Variants in PLEKHH2 observed in about 807,000 individuals in gnomAD.
PLEKHH2 encodes pleckstrin homology, MyTH4 and FERM domain containing H2.
Under a neutral mutation model 187.9 loss-of-function variants are expected in PLEKHH2, and 129 were observed. That is an observed-to-expected ratio of 0.69 (90% CI 0.59 to 0.79). The LOEUF (loss-of-function observed/expected upper bound fraction) is 0.79, where lower values mean the gene tolerates loss of function less well. Ranked by LOEUF, PLEKHH2 falls within the 30% of genes least tolerant of loss-of-function variation. PLEKHH2 has a pLI of 0.00. For synonymous variants in PLEKHH2, 686 were observed against 605.6 expected (o/e 1.13, Z -1.95); for missense variants, 2,076 against 1,751.2 (o/e 1.19, Z -3.31).
At position 43,738,380 on chromosome 2, in the gene PLEKHH2, G is replaced by T. The variant is rs1671399473; in HGVS notation, c.2983G>T (p.Ala995Ser). 1.2e-6 allele frequency: 2 copies of T among 1,612,496 alleles called. No homozygotes were observed. Among genetic ancestry groups the T allele is most frequent in the African/African-American group, 2.7e-5 (2 of 74,848 alleles). Residue 995 changes from alanine (A) to serine (S), a missense_variant, in exon 20 of 30, where the codon GCA becomes TCA. Physicochemically the swap from Ala to Ser is moderately conservative, Grantham distance 99. Coordinates refer to ENST00000282406, the MANE Select transcript of PLEKHH2 (RefSeq NM_172069.4). ...TATAAATGCTGCAGTTGACTCTCCT[G>T]CAATTGATTACCACATATCTTTAGC... The part of the protein sequence containing the change: ...LFINAAVDSP[A>S]IDYHISLAQS...
intron 7 of PLEKHH2, among the ~76,000 whole-genome samples, chr2:43,698,321 C>G (rs958872127): frequency 1.3e-5 from 2 of 151,046 alleles, no homozygotes; most frequent in Non-Finnish European, 2.9e-5. Flanking sequence ...GATCACAGCT[C>G]ACTGCGGCCT....
At chr2:43,701,319 A>C (rs1248016175) in intron 8 of PLEKHH2, among the ~76,000 whole-genome samples, 3 of 152,202 alleles carry the variant, frequency 2.0e-5, no homozygotes, top group Admixed American at 2.0e-4. Context: ...GGAAGTTGCC[A>C]GGCTCTGCAT....
intron 3 of PLEKHH2, among the ~76,000 whole-genome samples, chr2:43,691,114 T>A (rs1436192858): frequency 6.6e-6 from 1 of 152,258 alleles, no homozygotes; most frequent in African/African-American, 2.4e-5. Flanking sequence ...TCAGTCTCTT[T>A]TACCCTGTTC....
chr2:43,713,781 A>G (rs1670082921), intron 15 of PLEKHH2, among the ~76,000 whole-genome samples: 1 of 151,872 alleles, frequency 6.6e-6, no homozygotes, highest in Admixed American at 6.6e-5. Flanking sequence ...ATCACTCCTC[A>G]TTCATGTACT....
At chr2:43,644,355 C>G (rs1352911200) in intron 1 of PLEKHH2, among the ~76,000 whole-genome samples, 1 of 152,132 alleles carries the variant, frequency 6.6e-6, no homozygotes, top group Non-Finnish European at 1.5e-5. Flanking sequence ...TCCCTCACTA[C>G]ATACCCACAA....
chr2:43,717,148 T>TAATTACA (rs1670252861), intron 15 of PLEKHH2, among the ~76,000 whole-genome samples: 1 of 152,206 alleles, frequency 6.6e-6, no homozygotes, highest in South Asian at 2.1e-4. Flanking sequence ...CCAAGCATGG[T>TAATTACA]GGCTCATGCC....
chr2:43,758,757 T>G, intron 26 of PLEKHH2, 143 bp from the exon 27 acceptor site: 1 of 586,188 alleles, frequency 1.7e-6, no homozygotes, highest in East Asian at 3.0e-5. Context: ...GTGATGAGAG[T>G]CACAAAATCT....
At chr2:43,721,232 T>A (rs569932602) in intron 16 of PLEKHH2, among the ~76,000 whole-genome samples, 1 of 152,332 alleles carries the variant, frequency 6.6e-6, no homozygotes, top group African/African-American at 2.4e-5. Context: ...AGAATCTGAA[T>A]TATTTTAAAT....
chr2:43,669,843 A>C (rs1031898644), intron 2 of PLEKHH2, among the ~76,000 whole-genome samples: 1 of 152,170 alleles, frequency 6.6e-6, no homozygotes, highest in Non-Finnish European at 1.5e-5. Flanking sequence ...GAAACTTTTA[A>C]ACATCAAAAT....
intron 8 of PLEKHH2, among the ~76,000 whole-genome samples, chr2:43,701,947 T>G (rs1305903131): frequency 6.6e-6 from 1 of 152,134 alleles, no homozygotes; most frequent in Non-Finnish European, 1.5e-5. Context: ...TTTTGTATTT[T>G]TAGTAGAGGT....
chr2:43,642,425 T>G (rs1205690235), intron 1 of PLEKHH2, among the ~76,000 whole-genome samples: 3 of 152,168 alleles, frequency 2.0e-5, no homozygotes, highest in African/African-American at 7.2e-5. Flanking sequence ...GAGATAGTTT[T>G]ATTTCTTCCT....
rs1220566829 is a variant in PLEKHH2, at chr2:43,707,544, A to T, written c.1965A>T (p.Arg655=). Residue 655 remains arginine (R), a splice_region_variant and synonymous_variant, in exon 11 of 30, where the codon CGA becomes CGT. Coordinates refer to ENST00000282406, the MANE Select transcript of PLEKHH2 (RefSeq NM_172069.4). ...SGPGSPRAMK[R]GVSLSSVASE... ...CAGGCAGCCCCAGAGCCATGAAACG[A>T]GGTGAGGGAAAATCGCAGGCATATG... 6.2e-7 allele frequency: 1 copy of T among 1,613,656 alleles called. No individual in the cohort carries two copies. The highest frequency in any genetic ancestry group is 1.3e-5 in the African/African-American group (1 of 74,912).
chr2:43,700,607 G>C lies in PLEKHH2; in HGVS notation c.1649G>C (p.Trp550Ser), dbSNP rs1558518075. Residue 550 changes from tryptophan (W) to serine (S), a missense_variant and splice_region_variant, in exon 8 of 30, where the codon TGG becomes TCG. Coordinates refer to ENST00000282406, the MANE Select transcript of PLEKHH2 (RefSeq NM_172069.4). ...CCTCCCCTGCACCGTTTTCCTTCTT[G>C]GGTAATTATATCACCGCATGTAACA... ...PTPPLHRFPSWESRIYAVAKS... is the reference protein window; with the variant it reads ...PTPPLHRFPSSESRIYAVAKS... The C allele has an allele frequency of 6.2e-7, 1 of 1,602,850 alleles. No homozygotes were observed. Among genetic ancestry groups the C allele is most frequent in the Non-Finnish European group, 8.5e-7 (1 of 1,177,228 alleles).
intron 15 of PLEKHH2, among the ~76,000 whole-genome samples, chr2:43,717,721 C>A (rs530156792): frequency 6.6e-6 from 1 of 152,302 alleles, no homozygotes; most frequent in East Asian, 1.9e-4. Flanking sequence ...CTGGCTCTGC[C>A]ACTTACCACC....
At chr2:43,692,346 A>T (rs1468183445) in intron 3 of PLEKHH2, 168 bp from the exon 4 acceptor site, 2 of 511,344 alleles carry the variant, frequency 3.9e-6, no homozygotes, top group Non-Finnish European at 6.8e-6. Flanking sequence ...CACTTGGTGA[A>T]ATAGGCTTGA....
intron 2 of PLEKHH2, among the ~76,000 whole-genome samples, chr2:43,658,439 A>C (rs1475381849): frequency 2.0e-5 from 3 of 152,240 alleles, no homozygotes; most frequent in African/African-American, 7.2e-5. Flanking sequence ...AACAACTATA[A>C]GCATTTATTA....
At position 43,743,789 on chromosome 2, in the gene PLEKHH2, C is replaced by T. The variant is rs780023213; in HGVS notation, c.3400-45C>T. On this transcript the variant is annotated intron_variant, in intron 22 of 29. Coordinates refer to ENST00000282406, the MANE Select transcript of PLEKHH2 (RefSeq NM_172069.4). ...TCATCCTTAAAATCTCAGTTTGAAA[C>T]TATATATTTCTTATTAAGAGAACTG... The T allele has an allele frequency of 1.6e-5, 24 of 1,510,642 alleles. No individual in the cohort carries two copies. The Admixed American group carries it at 3.5e-4, about 22-fold the overall frequency. The allele number at this position is 1,510,642 out of a possible 1,614,324, so 93.6% of individuals were successfully genotyped here.
intron 1 of PLEKHH2, among the ~76,000 whole-genome samples, chr2:43,641,901 A>T (rs1032275543): frequency 6.6e-6 from 1 of 152,218 alleles, no homozygotes; most frequent in East Asian, 1.9e-4. Context: ...CTTTGTAGTA[A>T]GTTTAGAAAT....
intron 15 of PLEKHH2, among the ~76,000 whole-genome samples, chr2:43,713,678 A>T (rs1670077572): frequency 6.7e-6 from 1 of 148,386 alleles, no homozygotes; most frequent in Admixed American, 6.7e-5. Context: ...TTTTTTTACA[A>T]TGAGTAAGTA....
Sources: allele counts gnomAD v4.1 joint callset (sites outside exome capture counted in the v4.1 genomes callset), GRCh38; gene constraint gnomAD v4.1.1; transcripts MANE v1.5; gene names NCBI Gene and HGNC (gene_info 2026-07-23, HGNC 2026-07-21).